The following CHSY3 variants were observed in gnomAD, a reference collection of about 807,000 sequenced individuals.
CHSY3 encodes chondroitin sulfate synthase 3.
A neutral mutation model predicts 67.2 loss-of-function variants in CHSY3; 35 were observed. The observed-to-expected ratio is 0.52, with a 90% CI of 0.40 to 0.69. The LOEUF (loss-of-function observed/expected upper bound fraction) is 0.69, where lower values mean the gene tolerates loss of function less well. Among genes scored for constraint, CHSY3 ranks in the 30% least tolerant of loss-of-function variants. The pLI is 0.00. For synonymous variants in CHSY3, 474 were observed against 434.7 expected (o/e 1.09, Z -1.12); for missense variants, 1,069 against 1,138.5 (o/e 0.94, Z 0.88).
At chr5:129,982,267 A>AT (rs1236441344) in intron 2 of CHSY3, among the ~76,000 whole-genome samples, 1 of 151,964 alleles carries the variant, frequency 6.6e-6, no homozygotes, top group Non-Finnish European at 1.5e-5. Flanking sequence ...AAACTATATT[A>AT]TTCCAATGTA....
chr5:129,974,374 C>A (rs1290556149), intron 2 of CHSY3, among the ~76,000 whole-genome samples: 1 of 152,036 alleles, frequency 6.6e-6, no homozygotes, highest in Non-Finnish European at 1.5e-5. Context: ...TGAGTTAGAC[C>A]AGTCAGAAGA....
intron 1 of CHSY3, 64 bp from the exon 2 acceptor site, chr5:129,908,013 C>T: frequency 6.4e-7 from 1 of 1,557,300 alleles, no homozygotes; most frequent in Non-Finnish European, 8.7e-7. Flanking sequence ...CTGTCCCTTA[C>T]CTTGTACATG....
intron 2 of CHSY3, among the ~76,000 whole-genome samples, chr5:129,945,434 A>G (rs1761822823): frequency 6.6e-6 from 1 of 152,244 alleles, no homozygotes; most frequent in Non-Finnish European, 1.5e-5. Flanking sequence ...GGCTATGTTA[A>G]GAAACAAAAT....
At position 129,922,678 on chromosome 5, in the gene CHSY3, T is replaced by A. The variant is rs558580665; in HGVS notation, c.1086+14318T>A. On this transcript the variant is annotated intron_variant, in intron 2 of 2. Transcript: ENST00000305031. ...AGGTCTTTTGCCCATTTCTTAATCA[T>A]ATTATTTGTTTTCTTTCTGTAGAAT... is the stretch of plus-strand genomic sequence containing the variant. Among the ~76,000 whole-genome samples the A allele has an allele frequency of 1.1e-4, 16 of 152,320 alleles. No homozygotes were observed. In the East Asian group the frequency reaches 3.1e-3, roughly 29 times the overall value.
intron 2 of CHSY3, among the ~76,000 whole-genome samples, chr5:130,064,426 T>G (rs1452094721): frequency 6.6e-6 from 1 of 152,154 alleles, no homozygotes; most frequent in African/African-American, 2.4e-5. Flanking sequence ...ATGTATTGCT[T>G]TAATTCTTCA....
At chr5:130,146,118 A>C (rs1445783454) in intron 2 of CHSY3, among the ~76,000 whole-genome samples, 1 of 152,066 alleles carries the variant, frequency 6.6e-6, no homozygotes, top group African/African-American at 2.4e-5. Flanking sequence ...CAAAGGAAAT[A>C]TAATCAGTAT....
chr5:129,929,944 G>A (rs1255448584), intron 2 of CHSY3, among the ~76,000 whole-genome samples: 2 of 152,140 alleles, frequency 1.3e-5, no homozygotes, highest in African/African-American at 4.8e-5. Flanking sequence ...TATTTCTCGA[G>A]TTTAAACAAA....
chr5:130,078,488 A>G (rs1055687663), intron 2 of CHSY3, among the ~76,000 whole-genome samples: 1 of 152,112 alleles, frequency 6.6e-6, no homozygotes, highest in Non-Finnish European at 1.5e-5. Flanking sequence ...TTTTGGAATC[A>G]TTTTTAAAAT....
intron 2 of CHSY3, among the ~76,000 whole-genome samples, chr5:130,049,243 T>C (rs527889413): frequency 6.6e-6 from 1 of 152,112 alleles, no homozygotes; most frequent in African/African-American, 2.4e-5. Context: ...TTGAGAATTT[T>C]GATTTTCATG....
intron 2 of CHSY3, among the ~76,000 whole-genome samples, chr5:130,039,727 C>T (rs1232791508): frequency 2.0e-5 from 3 of 152,012 alleles, no homozygotes; most frequent in African/African-American, 7.2e-5. Context: ...ATCCATGTGC[C>T]TCAGCCTCCC....
At chr5:129,967,922 TTTGG>T (rs1227863354) in intron 2 of CHSY3, among the ~76,000 whole-genome samples, 1 of 151,814 alleles carries the variant, frequency 6.6e-6, no homozygotes, top group Non-Finnish European at 1.5e-5. Context: ...TGCATGAATT[TTTGG>T]TTGAAGTGGC....
At chr5:130,046,432 C>T (rs969713963) in intron 2 of CHSY3, among the ~76,000 whole-genome samples, 2 of 152,016 alleles carry the variant, frequency 1.3e-5, no homozygotes, top group Non-Finnish European at 2.9e-5. Flanking sequence ...TAAATTTTCA[C>T]CATGGTTTGG....
chr5:130,093,388 G>A (rs1766942760), intron 2 of CHSY3, among the ~76,000 whole-genome samples: 1 of 152,008 alleles, frequency 6.6e-6, no homozygotes, highest in Non-Finnish European at 1.5e-5. Flanking sequence ...AAGTTTTTTG[G>A]AATTGTGGTT....
chr5:129,973,477 C>G (rs888780725), intron 2 of CHSY3, among the ~76,000 whole-genome samples: 3 of 151,950 alleles, frequency 2.0e-5, no homozygotes, highest in Non-Finnish European at 4.4e-5. Flanking sequence ...TAAAATGTTT[C>G]TTTTTGAATT....
intron 2 of CHSY3, among the ~76,000 whole-genome samples, chr5:130,101,679 C>A (rs973295889): frequency 2.6e-5 from 4 of 152,068 alleles, no homozygotes; most frequent in Admixed American, 6.5e-5. Context: ...TACAATAGAT[C>A]CCTTGAAATT....
Position 130,185,091 on chromosome 5 carries a change from A to C in CHSY3, c.1949A>C (p.Gln650Pro), listed in dbSNP as rs780609900. 6.2e-7 allele frequency: 1 copy of C among 1,602,432 alleles called. No individual in the cohort carries two copies. The highest frequency in any genetic ancestry group is 8.6e-7 in the Non-Finnish European group (1 of 1,169,370). The change falls in exon 3 of 3, where the codon CAG (glutamine) becomes CCG (proline). Residue 650 changes from glutamine (Q) to proline (P), a missense_variant. Physicochemically the swap from Gln to Pro is moderately conservative, Grantham distance 76. This residue lies in a region of CHSY3 where 401 missense variants were observed against 395.2 expected (regional missense o/e 1.01). Coordinates refer to ENST00000305031, the MANE Select transcript of CHSY3 (RefSeq NM_175856.5). ...GAAAACATGTGTCTTATCCCAAAGC[A>C]GAATGTAAAGTTGGTCATTATCCTT... ...NFENMCLIPK[Q>P]NVKLVIILFS...
chr5:129,904,084 G>A (rs1295236344), upstream of CHSY3, among the ~76,000 whole-genome samples: 2 of 152,116 alleles, frequency 1.3e-5, no homozygotes, highest in Non-Finnish European at 2.9e-5. Flanking sequence ...GCGGAGCCTA[G>A]GCGCCGGGAG....
intron 2 of CHSY3, among the ~76,000 whole-genome samples, chr5:130,149,351 T>C (rs765844999): frequency 3.3e-5 from 5 of 152,194 alleles, no homozygotes; most frequent in Non-Finnish European, 7.3e-5. Context: ...CAGTATCTGC[T>C]TCTGAGGAGG....
At chr5:130,130,418 A>C (rs1378555884) in intron 2 of CHSY3, among the ~76,000 whole-genome samples, 1 of 152,152 alleles carries the variant, frequency 6.6e-6, no homozygotes, top group East Asian at 1.9e-4. Context: ...CCTAGCTTTC[A>C]CAATCTCTAA....
Sources: gnomAD v4.1 joint callset for allele counts (sites outside exome capture counted in the v4.1 genomes callset) on GRCh38, gnomAD v4.1.1 for gene constraint, gnomAD v4.1.1 regional missense constraint, MANE v1.5 for transcripts, NCBI Gene and HGNC (gene_info 2026-07-23, HGNC 2026-07-21) for gene names.